ICA1: variants seen among roughly 807,000 people sequenced by gnomAD.
The protein encoded by ICA1 is islet cell autoantigen 1.
In ICA1, 40 loss-of-function variants were observed where a neutral mutation model predicts 71.0. The ratio of observed to expected loss-of-function variants is 0.56; its 90% CI spans 0.44 to 0.73. ICA1 has a LOEUF of 0.73. Among genes scored for constraint, ICA1 ranks in the 30% least tolerant of loss-of-function variants. The pLI is 0.00. For synonymous variants in ICA1, 207 were observed against 209.5 expected (o/e 0.99, Z 0.10); for missense variants, 578 against 576.5 (o/e 1.00, Z -0.03).
At chr7:8,210,281 T>C (rs766301898) in intron 6 of ICA1, among the ~76,000 whole-genome samples, 5 of 152,184 alleles carry the variant, frequency 3.3e-5, no homozygotes, top group Non-Finnish European at 7.3e-5. Flanking sequence ...TGAATAATGG[T>C]AGCAGCTGAG....
At chr7:8,156,261 T>C (rs894047081) in intron 8 of ICA1, among the ~76,000 whole-genome samples, 4 of 152,248 alleles carry the variant, frequency 2.6e-5, no homozygotes, top group African/African-American at 4.8e-5. Flanking sequence ...AGAAATGCAT[T>C]TGAATGTTTT....
chr7:8,219,493 T>C (rs1796398474), intron 5 of ICA1, among the ~76,000 whole-genome samples: 1 of 152,264 alleles, frequency 6.6e-6, no homozygotes, highest in Non-Finnish European at 1.5e-5. Flanking sequence ...AATGGTGCAA[T>C]GAACTATTTA....
intron 6 of ICA1, among the ~76,000 whole-genome samples, chr7:8,190,039 C>G (rs552008915): frequency 6.6e-6 from 1 of 152,322 alleles, no homozygotes; most frequent in South Asian, 2.1e-4. Flanking sequence ...TGGACCAGAA[C>G]TGAGTAATAT....
At chr7:8,260,474 C>A (rs532187554) in intron 1 of ICA1, among the ~76,000 whole-genome samples, 2 of 152,256 alleles carry the variant, frequency 1.3e-5, no homozygotes, top group Admixed American at 6.5e-5. Context: ...ACAGGGTTAA[C>A]GTTTTTTAAC....
At chr7:8,128,557 G>A (rs1333567870) in intron 12 of ICA1, among the ~76,000 whole-genome samples, 4 of 152,168 alleles carry the variant, frequency 2.6e-5, no homozygotes, top group South Asian at 2.1e-4. Flanking sequence ...ACAGCAACAC[G>A]CCATGTGGCA....
intron 1 of ICA1, among the ~76,000 whole-genome samples, chr7:8,240,061 G>A (rs1349981707): frequency 1.3e-5 from 2 of 152,118 alleles, no homozygotes; most frequent in South Asian, 2.1e-4. Context: ...TCCCAGCACT[G>A]AGCTCTGAGA....
chr7:8,139,160 AC>A, intron 10 of ICA1, 113 bp from the exon 11 acceptor site: 1 of 787,610 alleles, frequency 1.3e-6, no homozygotes, highest in Admixed American at 2.2e-5. Flanking sequence ...GGATCCACAA[AC>A]TCAGCCAGAA....
chr7:8,162,687 A>G (rs1160275762), intron 6 of ICA1, among the ~76,000 whole-genome samples: 1 of 152,126 alleles, frequency 6.6e-6, no homozygotes, highest in Non-Finnish European at 1.5e-5. Flanking sequence ...TCTTCACTCA[A>G]ATAAATGTAC....
At chr7:8,139,728 G>A (rs1584436341) in intron 10 of ICA1, among the ~76,000 whole-genome samples, 1 of 152,230 alleles carries the variant, frequency 6.6e-6, no homozygotes, top group East Asian at 1.9e-4. Context: ...ACCACCTGGT[G>A]TAGGATGTTA....
chr7:8,244,653 T>C (rs1805270283), intron 1 of ICA1, among the ~76,000 whole-genome samples: 1 of 152,162 alleles, frequency 6.6e-6, no homozygotes, highest in South Asian at 2.1e-4. Context: ...TTTTGCAATC[T>C]ACCCATCTGA....
At chr7:8,244,194 C>CAGCA (rs1272819475) in intron 1 of ICA1, among the ~76,000 whole-genome samples, 9 of 152,186 alleles carry the variant, frequency 5.9e-5, no homozygotes, top group Non-Finnish European at 1.3e-4. Context: ...CAGCATGGTA[C>CAGCA]TGGTATGAAA....
chr7:8,244,585 G>A (rs1323622643), intron 1 of ICA1, among the ~76,000 whole-genome samples: 2 of 152,162 alleles, frequency 1.3e-5, no homozygotes, highest in Non-Finnish European at 2.9e-5. Context: ...AAGAGCTTCT[G>A]CACAGCAAAA....
At chr7:8,186,360 T>C (rs996087383) in intron 6 of ICA1, among the ~76,000 whole-genome samples, 7 of 152,296 alleles carry the variant, frequency 4.6e-5, no homozygotes, top group African/African-American at 7.2e-5. Flanking sequence ...CTGTGGAGAA[T>C]AGGCTGTTGG....
At chr7:8,212,777 C>T (rs1021359432) in intron 6 of ICA1, among the ~76,000 whole-genome samples, 1 of 152,132 alleles carries the variant, frequency 6.6e-6, no homozygotes, top group East Asian at 1.9e-4. Context: ...GGAGCAGCAG[C>T]CAGCCAGCCA....
intron 6 of ICA1, among the ~76,000 whole-genome samples, chr7:8,188,436 T>C (rs945529393): frequency 1.3e-5 from 2 of 152,152 alleles, no homozygotes; most frequent in Admixed American, 6.5e-5. Flanking sequence ...CATACCGACA[T>C]AATTTCATAA....
intron 6 of ICA1, among the ~76,000 whole-genome samples, chr7:8,165,307 T>C (rs1023962292): frequency 2.0e-5 from 3 of 152,224 alleles, no homozygotes; most frequent in African/African-American, 7.2e-5. Context: ...CATATTTTAT[T>C]ATGCAAAGAA....
intron 13 of ICA1, among the ~76,000 whole-genome samples, chr7:8,127,073 A>C (rs1487149152): frequency 6.6e-6 from 1 of 151,830 alleles, no homozygotes; most frequent in Admixed American, 6.6e-5. Flanking sequence ...TCCTGGGTTC[A>C]AGCGATTCTC....
At chr7:8,156,711 G>T in intron 8 of ICA1, 1 of 937,428 alleles carries the variant, frequency 1.1e-6, no homozygotes, top group Non-Finnish European at 1.5e-6. Context: ...CTTCTCAAGT[G>T]AGGATATTTG....
At chr7:8,250,495 T>C (rs971540486) in intron 1 of ICA1, among the ~76,000 whole-genome samples, 4 of 152,182 alleles carry the variant, frequency 2.6e-5, no homozygotes, top group African/African-American at 4.8e-5. Context: ...AATGGGTGTT[T>C]TTCCTACCTC....
Sources: allele counts gnomAD v4.1 joint callset (sites outside exome capture counted in the v4.1 genomes callset), GRCh38; gene constraint gnomAD v4.1.1; transcripts MANE v1.5; gene names NCBI Gene and HGNC (gene_info 2026-07-23, HGNC 2026-07-21).